DLG2: variants seen among roughly 807,000 people sequenced by gnomAD.
DLG2 encodes discs large MAGUK scaffold protein 2.
A neutral mutation model predicts 132.5 loss-of-function variants in DLG2; 45 were observed. That is an observed-to-expected ratio of 0.34 (90% CI 0.27 to 0.44). The LOEUF is 0.44. DLG2 is among the 20% of genes least tolerant of loss of function. DLG2 has a pLI of 1.00. For missense variants in DLG2, 1,045 were observed against 1,196.9 expected (o/e 0.87, Z 1.87); for synonymous variants, 424 against 419.6 (o/e 1.01, Z -0.13).
At chr11:85,461,036 A>G (rs965141619) in intron 3 of DLG2, among the ~76,000 whole-genome samples, 1 of 152,240 alleles carries the variant, frequency 6.6e-6, no homozygotes, top group Non-Finnish European at 1.5e-5. Flanking sequence ...CTGCAAATAT[A>G]TGTTTTCATT....
chr11:85,462,570 A>G (rs1398333326), intron 3 of DLG2, among the ~76,000 whole-genome samples: 1 of 151,632 alleles, frequency 6.6e-6, no homozygotes, highest in South Asian at 2.1e-4. Context: ...CAAACACCGC[A>G]TGTTCTCACT....
intron 6 of DLG2, among the ~76,000 whole-genome samples, chr11:84,672,184 A>C (rs956861879): frequency 6.6e-6 from 1 of 152,162 alleles, no homozygotes; most frequent in East Asian, 1.9e-4. Flanking sequence ...TAGTAAGACT[A>C]AACGGAGGAT....
intron 25 of DLG2, among the ~76,000 whole-genome samples, chr11:83,468,721 C>T (rs1333520903): frequency 2.0e-5 from 3 of 151,660 alleles, no homozygotes; most frequent in South Asian, 4.2e-4. Flanking sequence ...CCTGAAGTTA[C>T]CAGCAAAAAG....
At chr11:84,999,817 G>A (rs944771728) in intron 6 of DLG2, among the ~76,000 whole-genome samples, 4 of 152,034 alleles carry the variant, frequency 2.6e-5, no homozygotes, top group African/African-American at 9.7e-5. Context: ...CTCTTGCCTG[G>A]GGCTGAAAAT....
chr11:85,452,720 TA>T, intron 3 of DLG2: 1 of 155,056 alleles, frequency 6.4e-6, no homozygotes. Context: ...ATATATTAAT[TA>T]AAAGGGTCCA....
At chr11:85,235,600 A>G (rs1362576333) in intron 4 of DLG2, among the ~76,000 whole-genome samples, 14 of 152,106 alleles carry the variant, frequency 9.2e-5, no homozygotes, top group Admixed American at 8.5e-4. Flanking sequence ...AAAGAATTAC[A>G]TGTAGAATGA....
At chr11:84,025,928 G>C (rs958181718) in intron 11 of DLG2, among the ~76,000 whole-genome samples, 2 of 151,698 alleles carry the variant, frequency 1.3e-5, no homozygotes, top group African/African-American at 2.4e-5. Context: ...AAGAGGAGAG[G>C]GTTGGATCAG....
intron 3 of DLG2, among the ~76,000 whole-genome samples, chr11:85,485,309 A>G (rs1248665234): frequency 3.2e-4 from 47 of 145,676 alleles, no homozygotes; most frequent in South Asian, 1.1e-3. Flanking sequence ...ATATGTAACT[A>G]ACCTGCACAT....
At chr11:84,644,734 G>A (rs1012706389) in intron 6 of DLG2, among the ~76,000 whole-genome samples, 1 of 151,480 alleles carries the variant, frequency 6.6e-6, no homozygotes, top group Admixed American at 6.6e-5. Context: ...TGTCTTATGG[G>A]AATGAAGTAA....
At chr11:83,459,949 G>A (rs1214177917) in intron 27 of DLG2, 25 bp from the exon 28 acceptor site, 6 of 1,298,382 alleles carry the variant, frequency 4.6e-6, no homozygotes, top group Non-Finnish European at 6.7e-6. Flanking sequence ...AACACACCCA[G>A]AATTAGAAAT....
intron 7 of DLG2, among the ~76,000 whole-genome samples, chr11:84,423,229 C>T (rs990291440): frequency 6.6e-6 from 1 of 152,082 alleles, no homozygotes; most frequent in African/African-American, 2.4e-5. Context: ...TAATTCTTCA[C>T]TTAAACATGA....
intron 6 of DLG2, among the ~76,000 whole-genome samples, chr11:84,755,165 T>G (rs905650282): frequency 6.6e-6 from 1 of 152,192 alleles, no homozygotes; most frequent in Non-Finnish European, 1.5e-5. Context: ...ACCCTAGATG[T>G]TACAGTGAAT....
rs543513933 is a variant in DLG2, at chr11:84,476,981, C to T, written c.519+57589G>A. Among the ~76,000 whole-genome samples, 8 of 152,242 alleles carry T rather than the reference C, an allele frequency of 5.3e-5. No individual in the cohort carries two copies. The South Asian group carries it at 1.5e-3, about 28-fold the overall frequency. ...TAAGATTTGGGGAAATACACTAATACACCATGCAGAATAGATAACAAATAC... is the reference window on the plus strand; with the variant it reads ...TAAGATTTGGGGAAATACACTAATATACCATGCAGAATAGATAACAAATAC... On this transcript the variant is annotated intron_variant, in intron 7 of 27. Transcript: ENST00000376104.
chr11:84,878,858 T>C (rs2086834201), intron 6 of DLG2, among the ~76,000 whole-genome samples: 1 of 152,166 alleles, frequency 6.6e-6, no homozygotes, highest in Non-Finnish European at 1.5e-5. Context: ...CTTACTATTT[T>C]TTGAAAGATG....
intron 21 of DLG2, among the ~76,000 whole-genome samples, chr11:83,511,768 T>G (rs1485774998): frequency 6.6e-6 from 1 of 151,392 alleles, no homozygotes; most frequent in African/African-American, 2.4e-5. Flanking sequence ...CTCATTATGT[T>G]GCCCAGGCTA....
chr11:84,866,287 AAAC>A lies in DLG2; in HGVS notation c.357+245371_357+245373del, dbSNP rs200274947. On this transcript the variant is annotated intron_variant, in intron 6 of 27. Coordinates refer to ENST00000376104, the MANE Select transcript of DLG2 (RefSeq NM_001142699.3). ...GTGTCTGTCCCTTCCAAACCATTAAAAACAACAACAACAACAACCACAAAAACC... is the reference window on the plus strand; with the variant it reads ...GTGTCTGTCCCTTCCAAACCATTAAAAACAACAACAACAACCACAAAAACC... Among the ~76,000 whole-genome samples the A allele has an allele frequency of 3.4e-3, 524 of 152,220 alleles. 2 individuals are homozygous for A. The highest frequency in any genetic ancestry group is 0.012 in the African/African-American group (494 of 41,526).
intron 6 of DLG2, among the ~76,000 whole-genome samples, chr11:84,644,595 G>A (rs7129648): frequency 0.55 from 82,513 of 150,800 alleles, 23,996 homozygotes; most frequent in African/African-American, 0.75. Flanking sequence ...AATCCCAGCT[G>A]CTTGGGAGGC....
At chr11:83,738,195 C>T (rs906802811) in intron 18 of DLG2, among the ~76,000 whole-genome samples, 1 of 152,174 alleles carries the variant, frequency 6.6e-6, no homozygotes, top group Non-Finnish European at 1.5e-5. Context: ...AAATTATAAA[C>T]TGCTGCTCTT....
At position 83,887,947 on chromosome 11, in the gene DLG2, T is replaced by C. The variant is rs1409105718; in HGVS notation, c.1497-13459A>G. ...ATAAATTAGGTATTGATAGGACGTA[T>C]CTCAAAATAATAAGAGCTATCTATG... On this transcript the variant is annotated intron_variant, in intron 15 of 27. Transcript: ENST00000376104. Among the ~76,000 whole-genome samples the C allele has an allele frequency of 3.6e-5, 5 of 140,648 alleles. No individual in the cohort carries two copies. The East Asian group carries it at 1.0e-3, about 28-fold the overall frequency. The allele number at this position is 140,648 out of a possible 152,430, so 92.3% of individuals were successfully genotyped here.
Sources: allele counts gnomAD v4.1 joint callset (sites outside exome capture counted in the v4.1 genomes callset), GRCh38; gene constraint gnomAD v4.1.1; transcripts MANE v1.5; gene names NCBI Gene and HGNC (gene_info 2026-07-23, HGNC 2026-07-21).